Variants in NFIB observed in about 807,000 individuals in gnomAD.
NFIB encodes the protein nuclear factor 1 B-type.
NFIB carries 11 observed loss-of-function variants against 61.5 expected under a neutral mutation model. That is an observed-to-expected ratio of 0.18 (90% CI 0.11 to 0.30). The LOEUF (loss-of-function observed/expected upper bound fraction) is 0.30, where lower values mean the gene tolerates loss of function less well. NFIB is among the 10% of genes least tolerant of loss of function. The pLI, the probability that NFIB is intolerant of heterozygous loss-of-function variation, is 1.00. For missense variants in NFIB, 471 were observed against 608.9 expected (o/e 0.77, Z 2.38); for synonymous variants, 260 against 216.5 (o/e 1.20, Z -1.76).
At chr9:14,487,963 AG>A in the NFIB span, among the ~76,000 whole-genome samples, 1 of 152,130 alleles carries the variant, frequency 6.6e-6, no homozygotes, top group African/African-American at 2.4e-5. Flanking sequence ...CTGAGGCCAG[AG>A]GAAGTCTAAA....
intron 1 of NFIB, among the ~76,000 whole-genome samples, chr9:14,378,514 G>A (rs774545448): frequency 1.3e-5 from 2 of 152,020 alleles, no homozygotes; most frequent in Non-Finnish European, 2.9e-5. Context: ...GCGCCACCAC[G>A]CCCAGCTAGT....
chr9:14,368,508 G>A (rs1181173613), intron 1 of NFIB, among the ~76,000 whole-genome samples: 1 of 152,170 alleles, frequency 6.6e-6, no homozygotes, highest in Non-Finnish European at 1.5e-5. Context: ...GACTGGTTAC[G>A]GTGCAACTGC....
intron 8 of NFIB, among the ~76,000 whole-genome samples, chr9:14,119,206 C>G (rs2038597085): frequency 6.6e-6 from 1 of 152,120 alleles, no homozygotes; most frequent in African/African-American, 2.4e-5. Flanking sequence ...CATGAGCTGA[C>G]AACAAATTTT....
the NFIB span, among the ~76,000 whole-genome samples, chr9:14,448,246 G>A: frequency 6.6e-6 from 1 of 152,124 alleles, no homozygotes; most frequent in Non-Finnish European, 1.5e-5. Flanking sequence ...ACTTAACTAT[G>A]TCATATGAAT....
chr9:14,182,581 C>T (rs2046894059), intron 2 of NFIB, among the ~76,000 whole-genome samples: 1 of 152,028 alleles, frequency 6.6e-6, no homozygotes, highest in African/African-American at 2.4e-5. Flanking sequence ...AGGAATTATT[C>T]AGACCACATC....
the NFIB span, among the ~76,000 whole-genome samples, chr9:14,495,446 C>CTTTTTTTTTTTTTTTTTTTTTTTTTTTT: frequency 7.7e-5 from 9 of 117,258 alleles, no homozygotes; most frequent in African/African-American, 2.6e-4. Context: ...GAGAAATGAA[C>CTTTTTTTTTTTTTTTTTTTTTTTTTTTT]TTTTTTTTTT....
chr9:14,112,270 C>T (rs936735736), intron 10 of NFIB, among the ~76,000 whole-genome samples: 5 of 152,144 alleles, frequency 3.3e-5, no homozygotes, highest in African/African-American at 1.2e-4. Context: ...TAACTAGAAT[C>T]GTGGGATTTC....
At chr9:14,525,510 T>C in the NFIB span, among the ~76,000 whole-genome samples, 2 of 152,064 alleles carry the variant, frequency 1.3e-5, no homozygotes, top group African/African-American at 4.8e-5. Context: ...AGGAGATGAT[T>C]TATATAAATT....
chr9:14,486,684 T>C, the NFIB span, among the ~76,000 whole-genome samples: 4 of 143,620 alleles, frequency 2.8e-5, no homozygotes, highest in African/African-American at 1.0e-4. Flanking sequence ...GTGTAGTATG[T>C]ATGCATGTAA....
At chr9:14,275,354 C>T (rs2057924727) in intron 2 of NFIB, among the ~76,000 whole-genome samples, 1 of 152,168 alleles carries the variant, frequency 6.6e-6, no homozygotes, top group South Asian at 2.1e-4. Flanking sequence ...GTTGAACACA[C>T]TTGAATTCAT....
At chr9:14,507,789 A>G in the NFIB span, among the ~76,000 whole-genome samples, 2 of 152,176 alleles carry the variant, frequency 1.3e-5, no homozygotes, top group Admixed American at 6.6e-5. Flanking sequence ...ACAGAAATAA[A>G]GCAACCATCA....
At chr9:14,489,076 A>AT in the NFIB span, among the ~76,000 whole-genome samples, 3 of 151,534 alleles carry the variant, frequency 2.0e-5, no homozygotes, top group South Asian at 6.3e-4. Flanking sequence ...TGTTCCATAA[A>AT]GTTCATCTTT....
In NFIB at chr9:14,307,245, C is replaced by G. The variant is rs772662135; in HGVS notation, c.306G>C (p.Pro102=). 6.2e-7 allele frequency: 1 copy of G among 1,613,940 alleles called. No homozygotes were observed. The highest frequency in any genetic ancestry group is 1.3e-5 in the African/African-American group (1 of 74,898). ...FVLTVTGKKH[P]CCVLSNPDQK... is the part of the protein sequence containing the mutation. ...GGTCGGGATTGGATAAGACACAGCA[C>G]GGGTGCTTCTTGCCAGTCACGGTGA... Residue 102 remains proline, a synonymous_variant, in exon 2 of 11, where the codon CCG becomes CCC. Coordinates refer to ENST00000380953, the MANE Select transcript of NFIB (RefSeq NM_001190737.2). The surrounding 1 kb of genome is among the most constrained non-coding windows in gnomAD (Gnocchi z 5.3).
chr9:14,336,519 G>A (rs1159192008), intron 1 of NFIB, among the ~76,000 whole-genome samples: 1 of 152,222 alleles, frequency 6.6e-6, no homozygotes, highest in Non-Finnish European at 1.5e-5. Context: ...ACCAGGCATT[G>A]CTGGGTGTTT....
At chr9:14,157,751 T>C (rs1268538376) in intron 3 of NFIB, among the ~76,000 whole-genome samples, 1 of 152,182 alleles carries the variant, frequency 6.6e-6, no homozygotes, top group Admixed American at 6.6e-5. Context: ...CCACTGTAAC[T>C]TACTATCATA....
chr9:14,414,364 G>A, the NFIB span, among the ~76,000 whole-genome samples: 1 of 150,674 alleles, frequency 6.6e-6, no homozygotes, highest in African/African-American at 2.4e-5. Context: ...GAACCCGAGA[G>A]GCAGAGGTTG....
chr9:14,281,911 G>A (rs1226850655), intron 2 of NFIB, among the ~76,000 whole-genome samples: 1 of 151,974 alleles, frequency 6.6e-6, no homozygotes, highest in Non-Finnish European at 1.5e-5. Context: ...ATTTATAAAT[G>A]CCCAGAGGAA....
At chr9:14,219,994 A>C (rs1439527301) in intron 2 of NFIB, among the ~76,000 whole-genome samples, 1 of 152,200 alleles carries the variant, frequency 6.6e-6, no homozygotes, top group Non-Finnish European at 1.5e-5. Context: ...TTCCAACTCC[A>C]GTCTTGGGAG....
chr9:14,335,573 A>G lies in NFIB; in HGVS notation c.109-28053T>C, dbSNP rs548805654. 5.3e-5 allele frequency among the ~76,000 whole-genome samples: 8 copies of G among 152,304 alleles called. No homozygotes were observed. The South Asian group carries it at 1.7e-3, about 32-fold the overall frequency. ...CTTACTGAATTTTTAAGTTTTTTGT[A>G]TACTGTGAATACAAAGCCTTTATTA... On this transcript the variant is annotated intron_variant, in intron 1 of 8. Transcript: ENST00000380934.
Sources: allele counts gnomAD v4.1 joint callset (sites outside exome capture counted in the v4.1 genomes callset), GRCh38; gene constraint gnomAD v4.1.1; non-coding constraint Gnocchi (gnomAD v3.1); transcripts MANE v1.5; gene names NCBI Gene and HGNC (gene_info 2026-07-23, HGNC 2026-07-21).